Variants in ZNF616 observed in about 807,000 individuals in gnomAD.
The protein encoded by ZNF616 is zinc finger protein 616.
ZNF616 carries 5 observed loss-of-function variants against 7.6 expected under a neutral mutation model. The observed-to-expected ratio is 0.66, with a 90% CI of 0.34 to 1.38. ZNF616 has a LOEUF of 1.38. Among genes scored for constraint, ZNF616 ranks in the 40% most tolerant of loss-of-function variants. The pLI is 0.04. For missense variants in ZNF616, 913 were observed against 948.3 expected (o/e 0.96, Z 0.49); for synonymous variants, 319 against 317.2 (o/e 1.01, Z -0.06).
intron 1 of ZNF616, among the ~76,000 whole-genome samples, chr19:52,136,343 T>C (rs1374724730): frequency 6.6e-6 from 1 of 151,904 alleles, no homozygotes; most frequent in Non-Finnish European, 1.5e-5. Context: ...TAGCCAGGCA[T>C]AGTGGCAGGT....
rs776543103 is a variant in ZNF616, at chr19:52,116,454, C to A, written c.710G>T (p.Arg237Ile). The A allele has an allele frequency of 6.2e-7, 1 of 1,614,026 alleles. No individual in the cohort carries two copies. The highest frequency in any genetic ancestry group is 8.5e-7 in the Non-Finnish European group (1 of 1,179,952). The stretch of plus-strand genomic sequence containing the variant: ...TACATCACATTGATATGATTTCCCT[C>A]TTGTATGGACTACCTTGTGTACAGT... ...LLTVHKVVHTRGKSYQCDVCG... is the reference protein window; with the variant it reads ...LLTVHKVVHTIGKSYQCDVCG... Residue 237 changes from arginine to isoleucine, a missense_variant, in exon 4 of 4, where the codon AGA becomes ATA. By Grantham distance (97) the Arg-to-Ile change is moderately conservative. Coordinates refer to ENST00000600228, the MANE Select transcript of ZNF616 (RefSeq NM_178523.5).
In ZNF616 at chr19:52,139,538, G is replaced by C. The variant is rs1367466631; in HGVS notation, c.-77+194C>G. Among the ~76,000 whole-genome samples, 5 of 152,088 alleles carry C rather than the reference G, an allele frequency of 3.3e-5. No homozygotes were observed. Among genetic ancestry groups the C allele is most frequent in the Non-Finnish European group, 7.4e-5 (5 of 68,000 alleles). On this transcript the variant is annotated intron_variant, in intron 1 of 3. Transcript: ENST00000600228. This position sits in a 1 kb window ranked among gnomAD's most constrained non-coding sequence, Gnocchi z 4.1. The stretch of plus-strand genomic sequence containing the variant: ...GACAAGGGCGAAGCTCGGGGGTCTC[G>C]ACTGGTGGGAATCCACCTCGCGAGG...
At chr19:52,136,146 G>GA (rs975929722) in intron 1 of ZNF616, among the ~76,000 whole-genome samples, 9 of 139,758 alleles carry the variant, frequency 6.4e-5, no homozygotes, top group African/African-American at 1.7e-4. Flanking sequence ...AAAAAAAGCG[G>GA]GGGGGGGACA....
At chr19:52,135,881 CA>C (rs2089002626) in intron 1 of ZNF616, among the ~76,000 whole-genome samples, 1 of 152,058 alleles carries the variant, frequency 6.6e-6, no homozygotes, top group African/African-American at 2.4e-5. Flanking sequence ...GTAATCCTAG[CA>C]TGTTGAGAGG....
chr19:52,123,628 T>C (rs2088881177), intron 3 of ZNF616, among the ~76,000 whole-genome samples: 2 of 152,134 alleles, frequency 1.3e-5, no homozygotes, highest in African/African-American at 2.4e-5. Context: ...CAAGAACCTG[T>C]TTTAAACAAA....
chr19:52,139,378 T>G lies in ZNF616; in HGVS notation c.-77+354A>C, dbSNP rs1261204920. ...GAAGGACCCGGCGTGAGGAGGACAC[T>G]AGGTGGCGCGCGGAGGACACTAGGT... is the stretch of plus-strand genomic sequence containing the variant. On this transcript the variant is annotated intron_variant, in intron 1 of 3. Coordinates refer to ENST00000600228, the MANE Select transcript of ZNF616 (RefSeq NM_178523.5). The surrounding 1 kb of genome is among the most constrained non-coding windows in gnomAD (Gnocchi z 4.1). Among the ~76,000 whole-genome samples, 2 of 146,090 alleles carry G rather than the reference T, an allele frequency of 1.4e-5. No individual in the cohort carries two copies. The highest frequency in any genetic ancestry group is 3.0e-5 in the Non-Finnish European group (2 of 67,734).
intron 2 of ZNF616, 56 bp from the exon 3 acceptor site, chr19:52,124,105 CA>C (rs1468471884): frequency 6.5e-7 from 1 of 1,547,992 alleles, no homozygotes; most frequent in Non-Finnish European, 8.7e-7. Flanking sequence ...TCTGTTTACA[CA>C]AAATGAGGAG....
chr19:52,115,698 C>G lies in ZNF616; in HGVS notation c.1466G>C (p.Gly489Ala). 1.2e-6 allele frequency: 2 copies of G among 1,613,820 alleles called. No individual in the cohort carries two copies. Among genetic ancestry groups the G allele is most frequent in the Non-Finnish European group, 1.7e-6 (2 of 1,179,934 alleles). The change falls in exon 4 of 4, where the codon GGA (glycine) becomes GCA (alanine). Residue 489 changes from glycine (G) to alanine (A), a missense_variant. Gly to Ala is a moderately conservative substitution (Grantham distance 60, BLOSUM62 0). Transcript: ENST00000600228. ...RLAAHQRIHTGEKPYKCNECG... is the reference protein window; with the variant it reads ...RLAAHQRIHTAEKPYKCNECG... ...TTCATTGCATTTGTAAGGTTTCTCTCCAGTATGAATTCTCTGATGAGCTGC... is the reference window on the plus strand; with the variant it reads ...TTCATTGCATTTGTAAGGTTTCTCTGCAGTATGAATTCTCTGATGAGCTGC...
Position 52,114,449 on chromosome 19 carries a change from A to G in ZNF616, c.*369T>C, listed in dbSNP as rs2088796044. The G allele has an allele frequency of 1.1e-5, 2 of 182,390 alleles. No individual in the cohort carries two copies. Among genetic ancestry groups the G allele is most frequent in the Non-Finnish European group, 2.3e-5 (2 of 88,306 alleles). 11.3% of individuals were successfully genotyped at this position (182,390 alleles called of 1,614,324 possible). On this transcript the variant is annotated 3_prime_UTR_variant, in exon 4 of 4. Coordinates refer to ENST00000600228, the MANE Select transcript of ZNF616 (RefSeq NM_178523.5). ...TTGGCTCATATTTCTGAAGGCTTAA[A>G]TGAAAACATGGTGCTGGCATCTGAT...
At chr19:52,125,531 G>A (rs940496942) in intron 2 of ZNF616, among the ~76,000 whole-genome samples, 2 of 152,198 alleles carry the variant, frequency 1.3e-5, no homozygotes, top group African/African-American at 4.8e-5. Context: ...TCCTGGAGTA[G>A]GAGTTAGGTC....
At chr19:52,133,050 T>C (rs567308372) in intron 1 of ZNF616, among the ~76,000 whole-genome samples, 32 of 152,154 alleles carry the variant, frequency 2.1e-4, no homozygotes, top group South Asian at 4.2e-4. Context: ...AAGAAATACA[T>C]TGGATTTAGA....
In ZNF616 at chr19:52,131,434, G is replaced by T. The variant is rs529981021; in HGVS notation, c.-76-846C>A. Among the ~76,000 whole-genome samples the T allele has an allele frequency of 7.2e-5, 11 of 152,238 alleles. No individual in the cohort carries two copies. In the East Asian group the frequency reaches 1.9e-3, roughly 27 times the overall value. On this transcript the variant is annotated intron_variant, in intron 1 of 3. Transcript: ENST00000600228. ...CGAGGGTTGAGTAGTCTCAAAGGGG[G>T]CAAGACTACCACAGCCCCAGTCTCC...
chr19:52,124,900 G>A (rs961633099), intron 2 of ZNF616, among the ~76,000 whole-genome samples: 6 of 152,094 alleles, frequency 3.9e-5, no homozygotes, highest in East Asian at 3.9e-4. Flanking sequence ...GTGTCCCCAC[G>A]TGGCAGAAGG....
chr19:52,115,338 T>A lies in ZNF616; in HGVS notation c.1826A>T (p.Glu609Val). The change falls in exon 4 of 4, where the codon GAA (glutamate) becomes GTA (valine). Residue 609 changes from glutamate (E) to valine (V), a missense_variant. Transcript: ENST00000600228. ...HTGEKPYKCH[E>V]CGKAFNQGST... The stretch of plus-strand genomic sequence containing the variant: ...GCCCTGATTAAAGGCTTTGCCACAT[T>A]CATGACATTTGTATGGTTTCTCTCC... 6.2e-7 allele frequency: 1 copy of A among 1,614,152 alleles called. No homozygotes were observed. Among genetic ancestry groups the A allele is most frequent in the Non-Finnish European group, 8.5e-7 (1 of 1,180,030 alleles).
At chr19:52,138,173 T>C (rs1018575870) in intron 1 of ZNF616, among the ~76,000 whole-genome samples, 4 of 152,108 alleles carry the variant, frequency 2.6e-5, no homozygotes, top group African/African-American at 7.2e-5. Context: ...AAACCAAAGA[T>C]ACATCTTGTA....
At chr19:52,121,819 T>C (rs950436544) in intron 3 of ZNF616, among the ~76,000 whole-genome samples, 3 of 152,108 alleles carry the variant, frequency 2.0e-5, no homozygotes, top group Admixed American at 6.5e-5. Flanking sequence ...AAGATGGATA[T>C]AGACTTAAAT....
rs2089044202 is a variant in ZNF616 at position 52,139,922 on chromosome 19, A to C, written c.-267T>G. The C allele has an allele frequency of 6.6e-6, 1 of 152,250 alleles. No homozygotes were observed. The highest frequency in any genetic ancestry group is 2.4e-5 in the African/African-American group (1 of 41,450). 9.4% of individuals were successfully genotyped at this position (152,250 alleles called of 1,614,324 possible). On this transcript the variant is annotated 5_prime_UTR_variant, in exon 1 of 4. The change creates a new upstream start codon in the 5' untranslated region. Coordinates refer to ENST00000600228, the MANE Select transcript of ZNF616 (RefSeq NM_178523.5). This position sits in a 1 kb window ranked among gnomAD's most constrained non-coding sequence, Gnocchi z 4.1. The stretch of plus-strand genomic sequence containing the variant: ...CAGCGATAAGGCCTTTCCCTGGCGC[A>C]ATCTGCTTCCGGGAGTGACGGAAAC...
At chr19:52,131,802 G>C (rs573416567) in intron 1 of ZNF616, among the ~76,000 whole-genome samples, 1 of 152,312 alleles carries the variant, frequency 6.6e-6, no homozygotes, top group Admixed American at 6.5e-5. Flanking sequence ...AAATGAGTGG[G>C]AAGTCTCATG....
intron 2 of ZNF616, among the ~76,000 whole-genome samples, chr19:52,129,322 C>T (rs562308735): frequency 1.3e-5 from 2 of 152,036 alleles, no homozygotes; most frequent in South Asian, 4.2e-4. Context: ...TCCTATCATC[C>T]TCGTGTTGTA....
Sources: gnomAD v4.1 joint callset for allele counts (sites outside exome capture counted in the v4.1 genomes callset) on GRCh38, gnomAD v4.1.1 for gene constraint, Gnocchi (gnomAD v3.1) non-coding constraint, MANE v1.5 for transcripts, NCBI Gene and HGNC (gene_info 2026-07-23, HGNC 2026-07-21) for gene names.